RDH11: variants seen among roughly 807,000 people sequenced by gnomAD.
The protein encoded by RDH11 is HCV core-binding protein HCBP12.
RDH11 carries 19 observed loss-of-function variants against 33.4 expected under a neutral mutation model. The ratio of observed to expected loss-of-function variants is 0.57; its 90% CI spans 0.40 to 0.83. The LOEUF (loss-of-function observed/expected upper bound fraction) is 0.83, where lower values mean the gene tolerates loss of function less well. Ranked by LOEUF, RDH11 falls within the 40% of genes least tolerant of loss-of-function variation. The pLI, the probability that RDH11 is intolerant of heterozygous loss-of-function variation, is 0.00. For missense variants in RDH11, 353 were observed against 389.0 expected, an observed-to-expected ratio of 0.91 and a Z score of 0.78; for synonymous variants, 154 against 155.3, an observed-to-expected ratio of 0.99 and a Z score of 0.06.
In RDH11 at chr14:67,695,747, G is replaced by A. The variant is rs1175504344; in HGVS notation, c.-44C>T. On this transcript the variant is annotated 5_prime_UTR_variant, in exon 1 of 7. Coordinates refer to ENST00000381346, the MANE Select transcript of RDH11 (RefSeq NM_016026.4). ...CACCAGAGCGGGATGCTCCAGCGTT[G>A]CTCGCCGACTATGGCTTCTCTTTCT... 1.9e-6 allele frequency: 3 copies of A among 1,580,446 alleles called. No individual in the cohort carries two copies. The highest frequency in any genetic ancestry group is 2.6e-6 in the Non-Finnish European group (3 of 1,152,122).
intron 5 of RDH11, chr14:67,686,264 TG>T (rs2037677010): frequency 6.6e-6 from 1 of 152,188 alleles, no homozygotes; most frequent in Non-Finnish European, 1.5e-5. Context: ...ATCTCTAAAA[TG>T]GGAATAATCA....
chr14:67,683,155 TTGG>T (rs1217484928), intron 6 of RDH11, among the ~76,000 whole-genome samples: 2 of 152,246 alleles, frequency 1.3e-5, no homozygotes, highest in African/African-American at 4.8e-5. Context: ...ACGGCTGCTG[TTGG>T]ATCTTCAAAA....
rs1351705139 is a variant in RDH11 at position 67,691,333 on chromosome 14, A to T, written c.350-89T>A. The T allele has an allele frequency of 5.0e-6, 4 of 800,746 alleles. No individual in the cohort carries two copies. In the African/African-American group the frequency reaches 6.8e-5, roughly 14 times the overall value. 49.6% of individuals were successfully genotyped at this position (800,746 alleles called of 1,614,324 possible). ...GCCTCACGCTCAGGCTTTGAAAATGAGGATGCAGGACTTCAATCTTCCCTC... is the reference window on the plus strand; with the variant it reads ...GCCTCACGCTCAGGCTTTGAAAATGTGGATGCAGGACTTCAATCTTCCCTC... On this transcript the variant is annotated intron_variant, in intron 3 of 6. Transcript: ENST00000381346.
chr14:67,694,866 T>C (rs2037809017), intron 1 of RDH11, among the ~76,000 whole-genome samples: 1 of 152,070 alleles, frequency 6.6e-6, no homozygotes, highest in South Asian at 2.1e-4. Flanking sequence ...GTCTGTCTAT[T>C]CAGTCACTGG....
chr14:67,685,867 C>T (rs140332452), intron 5 of RDH11, among the ~76,000 whole-genome samples: 15,997 of 151,924 alleles, frequency 0.11, 922 homozygotes, highest in Middle Eastern at 0.21. Flanking sequence ...CTGCCCACCT[C>T]GGCCTCCCAA....
chr14:67,692,526 G>C lies in RDH11; in HGVS notation c.261C>G (p.Thr87=), dbSNP rs771704757. ...CCAACACCTGCTGGTTCCCTGTCGTGGTCTGGATCTCTTTGGCCACCAATT... is the reference window on the plus strand; with the variant it reads ...CCAACACCTGCTGGTTCCCTGTCGTCGTCTGGATCTCTTTGGCCACCAATT... The part of the protein sequence containing the change: ...KGELVAKEIQ[T]TTGNQQVLVR... Residue 87 remains threonine (T), a synonymous_variant, in exon 3 of 7, where the codon ACC becomes ACG. Coordinates refer to ENST00000381346, the MANE Select transcript of RDH11 (RefSeq NM_016026.4). 11 of 1,612,730 alleles carry C rather than the reference G, an allele frequency of 6.8e-6. 1 individual carries two copies. The South Asian group carries it at 1.1e-4, about 16-fold the overall frequency.
chr14:67,680,430 T>C (rs996052323), intron 6 of RDH11, among the ~76,000 whole-genome samples: 1 of 152,210 alleles, frequency 6.6e-6, no homozygotes, highest in African/African-American at 2.4e-5. Flanking sequence ...AGGTTCCTTG[T>C]AGGCTATAAA....
chr14:67,689,646 C>T (rs1303473518), intron 5 of RDH11, among the ~76,000 whole-genome samples: 1 of 151,898 alleles, frequency 6.6e-6, no homozygotes, highest in East Asian at 1.9e-4. Flanking sequence ...GAAGGAAGTC[C>T]TAAAAGTTAA....
intron 5 of RDH11, among the ~76,000 whole-genome samples, chr14:67,687,051 A>G (rs2037687129): frequency 6.6e-6 from 1 of 152,144 alleles, no homozygotes; most frequent in African/African-American, 2.4e-5. Flanking sequence ...GACATGCCCA[A>G]TCAGGCAAAA....
In RDH11 at chr14:67,678,293, T is replaced by C. The variant is rs777952092; in HGVS notation, c.*28A>G. The C allele has an allele frequency of 5.0e-6, 7 of 1,400,028 alleles. No homozygotes were observed. In the South Asian group the frequency reaches 8.1e-5, roughly 16 times the overall value. The allele number at this position is 1,400,028 out of a possible 1,614,324, so 86.7% of individuals were successfully genotyped here. ...AAGTACTGTGTAGTCTGCTGCAGTCTTCTCTTGGGTCCAACTGGCACTGCC... is the reference window on the plus strand; with the variant it reads ...AAGTACTGTGTAGTCTGCTGCAGTCCTCTCTTGGGTCCAACTGGCACTGCC... On this transcript the variant is annotated 3_prime_UTR_variant, in exon 7 of 7. Transcript: ENST00000381346.
chr14:67,678,186 C>A lies in RDH11; in HGVS notation c.*135G>T, dbSNP rs956720824. On this transcript the variant is annotated 3_prime_UTR_variant, in exon 7 of 7. Transcript: ENST00000381346. ...GGCAGTACACTGAGTTTTAACTGGA[C>A]ACCAAGCAGGCAAGGCTGGAAGGTT... 22 of 619,460 alleles carry A rather than the reference C, an allele frequency of 3.6e-5. 1 individual carries two copies. Among genetic ancestry groups the A allele is most frequent in the Non-Finnish European group, 6.4e-5 (22 of 343,558 alleles). The allele number at this position is 619,460 out of a possible 1,614,324, so 38.4% of individuals were successfully genotyped here.
At position 67,690,362 on chromosome 14, in the gene RDH11, T is replaced by C. The variant is rs1281701100; in HGVS notation, c.514A>G (p.Ile172Val). ...TGTGCGAGGGAAGACACATTTACTATCCTTGATGGGGCTGATTCCTTTAGT... is the reference window on the plus strand; with the variant it reads ...TGTGCGAGGGAAGACACATTTACTACCCTTGATGGGGCTGATTCCTTTAGT... ...EKLKESAPSR[I>V]VNVSSLAHHL... The change falls in exon 5 of 7, where the codon ATA becomes GTA. Residue 172 changes from isoleucine (I) to valine (V), a missense_variant. Physicochemically the swap from Ile to Val is conservative, Grantham distance 29. Transcript: ENST00000381346. The C allele has an allele frequency of 1.7e-5, 28 of 1,614,080 alleles. No individual in the cohort carries two copies. In the East Asian group the frequency reaches 6.2e-4, roughly 36 times the overall value.
intron 3 of RDH11, chr14:67,691,576 A>G: frequency 4.6e-6 from 1 of 216,190 alleles, no homozygotes. Flanking sequence ...ATTCCAAAGC[A>G]AGAGAAAAAA....
At position 67,692,968 on chromosome 14, in the gene RDH11, G is replaced by A. The variant is rs779775191; in HGVS notation, c.159C>T (p.Ile53=). 5 of 1,613,924 alleles carry A rather than the reference G, an allele frequency of 3.1e-6. No individual in the cohort carries two copies. The South Asian group carries it at 3.3e-5, about 11-fold the overall frequency. ...VVVVTGANTG[I]GKETAKELAQ... is the part of the protein sequence containing the mutation. The stretch of plus-strand genomic sequence containing the variant: ...CCAGCTCTTTGGCTGTCTCCTTCCC[G>A]ATACCTGTATTAGCTCCTGTGACCA... Residue 53 remains isoleucine, a synonymous_variant, in exon 2 of 7, where the codon ATC becomes ATT. Coordinates refer to ENST00000381346, the MANE Select transcript of RDH11 (RefSeq NM_016026.4).
At position 67,677,766 on chromosome 14, in the gene RDH11, C is replaced by CA. The variant is rs1307989497; in HGVS notation, c.*554dup. 1 of 152,424 alleles carries CA rather than the reference C, an allele frequency of 6.6e-6. No individual in the cohort carries two copies. Among genetic ancestry groups the CA allele is most frequent in the African/African-American group, 2.4e-5 (1 of 41,434 alleles). The allele number at this position is 152,424 out of a possible 1,614,324, so 9.4% of individuals were successfully genotyped here. A position where few individuals can be genotyped will look rare whatever the true frequency, so the allele number is the denominator to read the frequency against. ...TGGCACACATAAACAGGAAGACACA[C>CA]AAAGATATACACAATTTTTAGTAGA... On this transcript the variant is annotated 3_prime_UTR_variant, in exon 7 of 7. Coordinates refer to ENST00000381346, the MANE Select transcript of RDH11 (RefSeq NM_016026.4).
chr14:67,690,645 G>A, intron 4 of RDH11: 1 of 522,488 alleles, frequency 1.9e-6, no homozygotes, highest in South Asian at 2.2e-5. Flanking sequence ...TAGACTATGT[G>A]AATATGAAGT....
intron 1 of RDH11, among the ~76,000 whole-genome samples, chr14:67,693,623 G>A (rs2037783531): frequency 1.3e-5 from 2 of 151,052 alleles, no homozygotes; most frequent in African/African-American, 2.4e-5. Flanking sequence ...TGTGTAATTA[G>A]AGTCCTTGTT....
intron 4 of RDH11, 69 bp from the exon 5 acceptor site, chr14:67,690,490 G>A: frequency 1.5e-6 from 2 of 1,323,274 alleles, no homozygotes; most frequent in Non-Finnish European, 2.2e-6. Context: ...TGGTGAGCAG[G>A]CCTCACCTAT....
intron 1 of RDH11, among the ~76,000 whole-genome samples, chr14:67,694,030 A>G (rs1016894228): frequency 1.3e-5 from 2 of 152,182 alleles, no homozygotes; most frequent in African/African-American, 2.4e-5. Flanking sequence ...GGTGGTTCTC[A>G]GACTGGCCTA....
Sources: allele counts gnomAD v4.1 joint callset (sites outside exome capture counted in the v4.1 genomes callset), GRCh38; gene constraint gnomAD v4.1.1; transcripts MANE v1.5; gene names NCBI Gene and HGNC (gene_info 2026-07-23, HGNC 2026-07-21).